The following LDB2 variants were observed in gnomAD, a reference collection of about 807,000 sequenced individuals.
LDB2 encodes LIM domain-binding protein 2.
In LDB2, 12 loss-of-function variants were observed where a neutral mutation model predicts 44.3. That is an observed-to-expected ratio of 0.27 (90% CI 0.17 to 0.44). The LOEUF is 0.44. Ranked by LOEUF, LDB2 falls within the 20% of genes least tolerant of loss-of-function variation. LDB2 has a pLI of 1.00. For synonymous variants in LDB2, 164 were observed against 174.8 expected, an observed-to-expected ratio of 0.94 and a Z score of 0.49; for missense variants, 344 against 473.5, an observed-to-expected ratio of 0.73 and a Z score of 2.54.
rs1239346987 is a variant in LDB2 at position 16,844,445 on chromosome 4, T to TA, written c.132+53908dup. On this transcript the variant is annotated intron_variant, in intron 1 of 7. Coordinates refer to ENST00000304523, the MANE Select transcript of LDB2 (RefSeq NM_001290.5). Reference sequence around the variant, plus strand: ...GTTGCACATCTGGAAAAGGAACTTCTAAACTTTATTTCACAAGAACACTTG... The same window carrying TA: ...GTTGCACATCTGGAAAAGGAACTTCTAAAACTTTATTTCACAAGAACACTTG... Among the ~76,000 whole-genome samples the TA allele has an allele frequency of 2.6e-5, 4 of 152,258 alleles. No homozygotes were observed. In the East Asian group the frequency reaches 7.7e-4, roughly 29 times the overall value.
intron 2 of LDB2, among the ~76,000 whole-genome samples, chr4:16,722,870 T>G (rs1758587420): frequency 6.6e-6 from 1 of 152,200 alleles, no homozygotes. Context: ...CACCTTATGA[T>G]GGTTCCACTT....
chr4:16,680,843 T>C (rs1292468109), intron 2 of LDB2, among the ~76,000 whole-genome samples: 1 of 152,160 alleles, frequency 6.6e-6, no homozygotes, highest in African/African-American at 2.4e-5. Context: ...TTCTCTTAAC[T>C]CTTCAGAATT....
rs1457982447 is a variant in LDB2, at chr4:16,702,260, G to A, written c.235+56898C>T. Among the ~76,000 whole-genome samples the A allele has an allele frequency of 2.0e-5, 3 of 152,114 alleles. No individual in the cohort carries two copies. The East Asian group carries it at 5.8e-4, about 29-fold the overall frequency. On this transcript the variant is annotated intron_variant, in intron 2 of 7. Coordinates refer to ENST00000304523, the MANE Select transcript of LDB2 (RefSeq NM_001290.5). Reference sequence around the variant, plus strand: ...AGTTTCAGATACTTTATTTCCATTCGGTTTGCAATATTCAAGTTCCAACAC... The same window carrying A: ...AGTTTCAGATACTTTATTTCCATTCAGTTTGCAATATTCAAGTTCCAACAC...
chr4:16,525,634 T>G (rs2152287348), intron 5 of LDB2, among the ~76,000 whole-genome samples: 1 of 152,324 alleles, frequency 6.6e-6, no homozygotes, highest in East Asian at 1.9e-4. Context: ...TTGTTCTAGG[T>G]GCTGGGGGTG....
intron 2 of LDB2, among the ~76,000 whole-genome samples, chr4:16,696,296 C>T (rs1433537921): frequency 1.3e-5 from 2 of 152,102 alleles, no homozygotes; most frequent in African/African-American, 4.8e-5. Context: ...GCTGCAGAGC[C>T]TAGAGACAGG....
At chr4:16,753,662 G>A (rs1765909474) in intron 2 of LDB2, among the ~76,000 whole-genome samples, 1 of 152,162 alleles carries the variant, frequency 6.6e-6, no homozygotes, top group Admixed American at 6.6e-5. Context: ...CAGCAGCCAT[G>A]GAATAGCTTT....
intron 1 of LDB2, chr4:16,759,501 A>G: frequency 2.2e-6 from 1 of 449,518 alleles, no homozygotes; most frequent in Non-Finnish European, 3.9e-6. Flanking sequence ...ATTCTCCAGG[A>G]TATATTTGGG....
At chr4:16,884,592 C>A (rs888914045) in intron 1 of LDB2, among the ~76,000 whole-genome samples, 1 of 152,202 alleles carries the variant, frequency 6.6e-6, no homozygotes, top group East Asian at 1.9e-4. Context: ...CCACCCTTCT[C>A]TAATTGGCAA....
intron 1 of LDB2, among the ~76,000 whole-genome samples, chr4:16,808,966 TGTG>T (rs1779280702): frequency 6.6e-6 from 1 of 152,210 alleles, no homozygotes; most frequent in Non-Finnish European, 1.5e-5. Context: ...TTTTGCATTT[TGTG>T]GCCCTGTTTT....
chr4:16,755,392 A>G (rs537316104), intron 2 of LDB2, among the ~76,000 whole-genome samples: 21 of 151,152 alleles, frequency 1.4e-4, no homozygotes, highest in Admixed American at 3.3e-4. Flanking sequence ...ATTATTTGGG[A>G]CCCTTATTTC....
chr4:16,517,481 A>AAAAAG (rs1213288539), intron 5 of LDB2, among the ~76,000 whole-genome samples: 1 of 152,160 alleles, frequency 6.6e-6, no homozygotes, highest in Non-Finnish European at 1.5e-5. Flanking sequence ...CCCTTTGCCT[A>AAAAAG]AAAAGAAAGG....
chr4:16,570,504 A>G lies in LDB2; in HGVS notation c.615+15418T>C, dbSNP rs892895001. Among the ~76,000 whole-genome samples the G allele has an allele frequency of 3.6e-3, 509 of 143,092 alleles. 6 individuals are homozygous for G. The highest frequency in any genetic ancestry group is 0.013 in the African/African-American group (482 of 37,636). The allele number at this position is 143,092 out of a possible 152,430, so 93.9% of individuals were successfully genotyped here. A position where few individuals can be genotyped will look rare whatever the true frequency, so the allele number is the denominator to read the frequency against. On this transcript the variant is annotated intron_variant, in intron 5 of 7. Coordinates refer to ENST00000304523, the MANE Select transcript of LDB2 (RefSeq NM_001290.5). ...AAAAAAAAAAAAAAAAAAAAAAAAAAGTTTACATCTCAGTGATAGCCACGG... is the reference window on the plus strand; with the variant it reads ...AAAAAAAAAAAAAAAAAAAAAAAAAGGTTTACATCTCAGTGATAGCCACGG...
chr4:16,679,490 G>A (rs918688478), intron 2 of LDB2, among the ~76,000 whole-genome samples: 5 of 152,190 alleles, frequency 3.3e-5, no homozygotes, highest in Non-Finnish European at 7.3e-5. Flanking sequence ...ACAACCCTAT[G>A]AAGTGGGTAC....
At chr4:16,841,952 C>T (rs1221500305) in intron 1 of LDB2, among the ~76,000 whole-genome samples, 1 of 152,188 alleles carries the variant, frequency 6.6e-6, no homozygotes, top group Non-Finnish European at 1.5e-5. Context: ...TCCCCAGTTT[C>T]TTCAAGAGGC....
At chr4:16,871,913 C>T (rs770070189) in intron 1 of LDB2, among the ~76,000 whole-genome samples, 16 of 152,072 alleles carry the variant, frequency 1.1e-4, no homozygotes, top group African/African-American at 2.2e-4. Context: ...TGAGCTACCG[C>T]GCCCAGCCCA....
At chr4:16,611,254 C>T (rs569005762) in intron 2 of LDB2, among the ~76,000 whole-genome samples, 39 of 152,236 alleles carry the variant, frequency 2.6e-4, no homozygotes, top group South Asian at 8.3e-4. Context: ...CCAGCCACTG[C>T]GAAAACACAC....
Position 16,542,255 on chromosome 4 carries a change from C to T in LDB2, c.616-30151G>A, listed in dbSNP as rs148724405. On this transcript the variant is annotated intron_variant, in intron 5 of 7. Transcript: ENST00000304523. ...AGCAAGACTGATGAAGGCCCCAGCC[C>T]GCAAAGCCTCATATTCAAAAGCTGG... Among the ~76,000 whole-genome samples the T allele has an allele frequency of 2.1e-3, 323 of 152,034 alleles. 2 individuals carry two copies. The highest frequency in any genetic ancestry group is 7.3e-3 in the African/African-American group (303 of 41,448).
chr4:16,800,419 T>C (rs977136938), intron 1 of LDB2, among the ~76,000 whole-genome samples: 1 of 152,248 alleles, frequency 6.6e-6, no homozygotes. Context: ...GAATTCTCCT[T>C]TCAATTGCTT....
intron 1 of LDB2, among the ~76,000 whole-genome samples, chr4:16,825,086 G>C (rs536270455): frequency 1.2e-4 from 19 of 152,296 alleles, no homozygotes; most frequent in African/African-American, 3.1e-4. Flanking sequence ...CTTCCTGGAG[G>C]GGGTGGCTGG....
Sources: gnomAD v4.1 joint callset for allele counts (sites outside exome capture counted in the v4.1 genomes callset) on GRCh38, gnomAD v4.1.1 for gene constraint, MANE v1.5 for transcripts, NCBI Gene and HGNC (gene_info 2026-07-23, HGNC 2026-07-21) for gene names.